Variants in PAPSS2 observed in about 807,000 individuals in gnomAD.
PAPSS2 encodes the protein bifunctional 3'-phosphoadenosine 5'-phosphosulfate synthase 2.
A neutral mutation model predicts 66.5 loss-of-function variants in PAPSS2; 61 were observed. That is an observed-to-expected ratio of 0.92 (90% confidence interval 0.75 to 1.14). PAPSS2 has a LOEUF of 1.14. PAPSS2 is among the 50% of genes most tolerant of loss of function. The probability of loss-of-function intolerance (pLI) is 0.00; values close to 1 mark genes in which losing one functional copy is unlikely to be tolerated. For synonymous variants in PAPSS2, 289 were observed against 287.5 expected (o/e 1.01, Z -0.05); for missense variants, 708 against 789.6 (o/e 0.90, Z 1.24).
chr10:87,682,197 A>C (rs1853029558), intron 1 of PAPSS2, among the ~76,000 whole-genome samples: 1 of 152,234 alleles, frequency 6.6e-6, no homozygotes, highest in African/African-American at 2.4e-5. Flanking sequence ...ACATTTACCC[A>C]TACAGACCCT....
At chr10:87,743,918 A>T (rs1380810731) in intron 11 of PAPSS2, among the ~76,000 whole-genome samples, 1 of 152,184 alleles carries the variant, frequency 6.6e-6, no homozygotes, top group East Asian at 1.9e-4. Context: ...CCTGACCAAC[A>T]TGATGAAACC....
intron 9 of PAPSS2, among the ~76,000 whole-genome samples, chr10:87,737,080 C>A (rs1853809636): frequency 6.6e-6 from 1 of 152,146 alleles, no homozygotes; most frequent in African/African-American, 2.4e-5. Flanking sequence ...GCAGGAAATT[C>A]TAGAGTTCTG....
At chr10:87,683,880 G>A (rs1403225550) in intron 1 of PAPSS2, among the ~76,000 whole-genome samples, 1 of 151,956 alleles carries the variant, frequency 6.6e-6, no homozygotes, top group Non-Finnish European at 1.5e-5. Flanking sequence ...TTTTTGTGGA[G>A]ATGGGGGTTT....
chr10:87,743,554 G>T lies in PAPSS2; in HGVS notation c.1404G>T (p.Ala468=). ...TAGACTGGCGGATGAAGCAGCACGC[G>T]GCTGTGCTCGAGGAAGGGGTCCTGG... The part of the protein sequence containing the change: ...VPLDWRMKQH[A]AVLEEGVLDP... Residue 468 remains alanine, a synonymous_variant, in exon 11 of 13, where the codon GCG becomes GCT. Transcript: ENST00000456849. 6.2e-7 allele frequency: 1 copy of T among 1,614,158 alleles called. No individual in the cohort carries two copies. The highest frequency in any genetic ancestry group is 8.5e-7 in the Non-Finnish European group (1 of 1,180,018).
At chr10:87,670,992 A>G (rs1000199487) in intron 1 of PAPSS2, among the ~76,000 whole-genome samples, 4 of 152,156 alleles carry the variant, frequency 2.6e-5, no homozygotes, top group African/African-American at 7.2e-5. Context: ...GAAGAAGGGA[A>G]CAAGCATTTA....
intron 8 of PAPSS2, among the ~76,000 whole-genome samples, chr10:87,724,710 TG>T (rs2131718724): frequency 6.7e-6 from 1 of 148,618 alleles, no homozygotes; most frequent in African/African-American, 2.4e-5. Flanking sequence ...TATTATACAT[TG>T]ATATCTATAT....
At chr10:87,719,054 T>C (rs1166175460) in intron 7 of PAPSS2, among the ~76,000 whole-genome samples, 24 of 151,670 alleles carry the variant, frequency 1.6e-4, no homozygotes, top group Admixed American at 1.6e-3. Context: ...GACATACTTA[T>C]ACAACCCCAG....
At chr10:87,689,340 CA>C (rs58947357) in intron 1 of PAPSS2, among the ~76,000 whole-genome samples, 23,679 of 98,238 alleles carry the variant, frequency 0.24, 1,931 homozygotes, top group South Asian at 0.33. Flanking sequence ...AACTCCATCT[CA>C]AAAAAAAAAA....
At chr10:87,675,568 G>A (rs1385676984) in intron 1 of PAPSS2, among the ~76,000 whole-genome samples, 1 of 152,198 alleles carries the variant, frequency 6.6e-6, no homozygotes, top group Non-Finnish European at 1.5e-5. Flanking sequence ...CTAATAGGTT[G>A]CGTTGTAAGT....
intron 1 of PAPSS2, among the ~76,000 whole-genome samples, chr10:87,665,629 C>G (rs1196800850): frequency 6.6e-6 from 1 of 152,202 alleles, no homozygotes; most frequent in Non-Finnish European, 1.5e-5. Context: ...TACTCACTTT[C>G]TATGCCAAGA....
rs1270686791 is a variant in PAPSS2 at position 87,747,574 on chromosome 10, A to C, written c.*1604A>C. The C allele has an allele frequency of 6.6e-6, 1 of 152,530 alleles. No homozygotes were observed. Among genetic ancestry groups the C allele is most frequent in the African/African-American group, 2.4e-5 (1 of 41,432 alleles). The allele number at this position is 152,530 out of a possible 1,614,324, so 9.4% of individuals were successfully genotyped here. A position where few individuals can be genotyped will look rare whatever the true frequency, so the allele number is the denominator to read the frequency against. On this transcript the variant is annotated 3_prime_UTR_variant, in exon 13 of 13. Coordinates refer to ENST00000456849, the MANE Select transcript of PAPSS2 (RefSeq NM_001015880.2). Reference sequence around the variant, plus strand: ...ACATGAGACAGGATTATAGTGCCTTAACCGATATATTTTGTGACTTAAAAA... The same window carrying C: ...ACATGAGACAGGATTATAGTGCCTTCACCGATATATTTTGTGACTTAAAAA...
At chr10:87,662,558 A>G (rs1362157165) in intron 1 of PAPSS2, among the ~76,000 whole-genome samples, 1 of 53,838 alleles carries the variant, frequency 1.9e-5, no homozygotes, top group African/African-American at 6.8e-5. Context: ...CTACCCTCCC[A>G]CCCCCACCCC....
At chr10:87,716,626 A>G (rs1853535954) in intron 7 of PAPSS2, among the ~76,000 whole-genome samples, 1 of 152,130 alleles carries the variant, frequency 6.6e-6, no homozygotes, top group Non-Finnish European at 1.5e-5. Flanking sequence ...GAAAAATCAA[A>G]TAAGATGCTC....
chr10:87,693,397 A>G (rs931219555), intron 1 of PAPSS2, among the ~76,000 whole-genome samples: 3 of 152,228 alleles, frequency 2.0e-5, no homozygotes, highest in African/African-American at 7.2e-5. Flanking sequence ...CCCAGCAGAG[A>G]GTGAACAACC....
chr10:87,678,247 G>A (rs1012387204), intron 1 of PAPSS2, among the ~76,000 whole-genome samples: 1 of 152,112 alleles, frequency 6.6e-6, no homozygotes, highest in South Asian at 2.1e-4. Context: ...TCCATACACA[G>A]AAGATTGAAA....
At chr10:87,664,662 G>C (rs1852794401) in intron 1 of PAPSS2, among the ~76,000 whole-genome samples, 1 of 152,130 alleles carries the variant, frequency 6.6e-6, no homozygotes, top group Non-Finnish European at 1.5e-5. Context: ...GAACTTTTAG[G>C]GAATTAGAGT....
At chr10:87,724,903 A>G (rs1330850772) in intron 8 of PAPSS2, among the ~76,000 whole-genome samples, 2 of 79,896 alleles carry the variant, frequency 2.5e-5, no homozygotes, top group East Asian at 1.1e-3. Context: ...GATTTATTTT[A>G]AGGAATTGGT....
intron 1 of PAPSS2, among the ~76,000 whole-genome samples, chr10:87,701,389 T>TTTCTTTCTTTC (rs1853312446): frequency 3.0e-5 from 3 of 100,940 alleles, no homozygotes; most frequent in African/African-American, 4.6e-5. Flanking sequence ...TCTTTCTTTC[T>TTTCTTTCTTTC]TTCTTTCTCT....
chr10:87,701,370 T>TTCTTTCTA (rs1853309960), intron 1 of PAPSS2, among the ~76,000 whole-genome samples: 2 of 116,036 alleles, frequency 1.7e-5, no homozygotes, highest in Non-Finnish European at 3.3e-5. Flanking sequence ...CTTTCTTTCT[T>TTCTTTCTA]TCTTTCTTTC....
Sources: allele counts gnomAD v4.1 joint callset (sites outside exome capture counted in the v4.1 genomes callset), GRCh38; gene constraint gnomAD v4.1.1; transcripts MANE v1.5; gene names NCBI Gene and HGNC (gene_info 2026-07-23, HGNC 2026-07-21).